TTLL5: variants seen among roughly 807,000 people sequenced by gnomAD.
The protein encoded by TTLL5 is tubulin tyrosine ligase like 5.
In TTLL5, 132 loss-of-function variants were observed where a neutral mutation model predicts 168.4. The ratio of observed to expected loss-of-function variants is 0.78; its 90% CI spans 0.68 to 0.91. The LOEUF (loss-of-function observed/expected upper bound fraction) is 0.91, where lower values mean the gene tolerates loss of function less well. Ranked by LOEUF, TTLL5 falls within the 40% of genes least tolerant of loss-of-function variation. The pLI is 0.00. For synonymous variants in TTLL5, 546 were observed against 558.6 expected (o/e 0.98, Z 0.32); for missense variants, 1,545 against 1,581.5 (o/e 0.98, Z 0.39).
intron 29 of TTLL5, among the ~76,000 whole-genome samples, chr14:75,880,444 A>T (rs2031746226): frequency 6.6e-6 from 1 of 152,174 alleles, no homozygotes. Flanking sequence ...CTTAACTAAC[A>T]ACATTTTATC....
At chr14:75,937,460 C>T (rs1196390779) in intron 31 of TTLL5, among the ~76,000 whole-genome samples, 1 of 152,018 alleles carries the variant, frequency 6.6e-6, no homozygotes, top group Non-Finnish European at 1.5e-5. Context: ...CCACCGTTCA[C>T]CTCCAGAATT....
At chr14:75,857,666 G>T (rs538568058) in intron 28 of TTLL5, among the ~76,000 whole-genome samples, 1 of 149,168 alleles carries the variant, frequency 6.7e-6, no homozygotes, top group African/African-American at 2.5e-5. Flanking sequence ...TGGTGGGGAG[G>T]GGGAGACAAG....
At chr14:75,800,046 T>C (rs2140364993) in intron 27 of TTLL5, among the ~76,000 whole-genome samples, 1 of 152,328 alleles carries the variant, frequency 6.6e-6, no homozygotes, top group East Asian at 1.9e-4. Flanking sequence ...CCTCGATTAT[T>C]CCCCCAAATA....
At chr14:75,881,207 C>G (rs1338607775) in intron 29 of TTLL5, among the ~76,000 whole-genome samples, 2 of 152,222 alleles carry the variant, frequency 1.3e-5, no homozygotes, top group Admixed American at 1.3e-4. Flanking sequence ...AGCCACCGAA[C>G]CTGGCTTTGT....
At chr14:75,716,768 G>A (rs1334655080) in intron 9 of TTLL5, among the ~76,000 whole-genome samples, 1 of 152,032 alleles carries the variant, frequency 6.6e-6, no homozygotes, top group Non-Finnish European at 1.5e-5. Context: ...GAGCATCACT[G>A]GAAAGTTCTC....
chr14:75,911,432 G>A (rs1407898283), intron 31 of TTLL5, among the ~76,000 whole-genome samples: 1 of 152,166 alleles, frequency 6.6e-6, no homozygotes, highest in Admixed American at 6.5e-5. Context: ...ATAAAATGGG[G>A]AAAGAAGTTA....
In TTLL5 at chr14:75,745,079, A is replaced by G. The variant is rs1889524116; in HGVS notation, c.1282-16A>G. On this transcript the variant is annotated splice_polypyrimidine_tract_variant and intron_variant, in intron 15 of 31. Transcript: ENST00000298832. ...TTAAAAAATTTTTTTTACTATTTTC[A>G]TTTTCTTCTCCTTAGCGTTGCCGTC... 1.2e-6 allele frequency: 2 copies of G among 1,609,758 alleles called. No individual in the cohort carries two copies. Among genetic ancestry groups the G allele is most frequent in the South Asian group, 2.2e-5 (2 of 90,576 alleles).
At chr14:75,947,307 T>C (rs893723494) in intron 31 of TTLL5, among the ~76,000 whole-genome samples, 4 of 152,218 alleles carry the variant, frequency 2.6e-5, no homozygotes, top group Admixed American at 6.5e-5. Flanking sequence ...TGGAAAAAGA[T>C]ATATTGGGGA....
chr14:75,702,929 A>G (rs899398728), intron 7 of TTLL5, among the ~76,000 whole-genome samples: 14 of 152,192 alleles, frequency 9.2e-5, no homozygotes, highest in African/African-American at 3.4e-4. Context: ...CTCCTGTTTT[A>G]CCCCAAAACT....
At chr14:75,778,426 G>T (rs1023264628) in intron 23 of TTLL5, among the ~76,000 whole-genome samples, 1 of 152,196 alleles carries the variant, frequency 6.6e-6, no homozygotes, top group Non-Finnish European at 1.5e-5. Flanking sequence ...CGTAACCTTT[G>T]CCTTTCAGTA....
chr14:75,924,893 G>A (rs1194277165), intron 31 of TTLL5, among the ~76,000 whole-genome samples: 1 of 151,334 alleles, frequency 6.6e-6, no homozygotes, highest in Non-Finnish European at 1.5e-5. Context: ...CCCGGATGGG[G>A]CGGCTGGTCG....
chr14:75,909,418 C>A (rs999964586), intron 31 of TTLL5, among the ~76,000 whole-genome samples: 1 of 151,330 alleles, frequency 6.6e-6, no homozygotes, highest in Non-Finnish European at 1.5e-5. Context: ...CCTATGGAAG[C>A]CCCAGCAAAG....
At chr14:75,866,703 A>C (rs2030546734) in intron 29 of TTLL5, among the ~76,000 whole-genome samples, 1 of 152,190 alleles carries the variant, frequency 6.6e-6, no homozygotes, top group Admixed American at 6.5e-5. Flanking sequence ...TTTCTGCTTA[A>C]ACTCTGATTC....
intron 28 of TTLL5, among the ~76,000 whole-genome samples, chr14:75,845,845 T>A (rs1896516197): frequency 6.6e-6 from 1 of 152,210 alleles, no homozygotes; most frequent in African/African-American, 2.4e-5. Context: ...TCAGTACCAG[T>A]CTTTACACAA....
intron 12 of TTLL5, among the ~76,000 whole-genome samples, chr14:75,727,331 T>A (rs192724477): frequency 6.6e-6 from 1 of 152,330 alleles, no homozygotes; most frequent in East Asian, 1.9e-4. Context: ...TTGTGGTATG[T>A]CCATATAATG....
intron 3 of TTLL5, among the ~76,000 whole-genome samples, chr14:75,681,177 G>A (rs1884583523): frequency 6.6e-6 from 1 of 152,058 alleles, no homozygotes; most frequent in African/African-American, 2.4e-5. Context: ...TAAATACTAT[G>A]AGAATAATTG....
intron 31 of TTLL5, chr14:75,904,202 C>CAAA (rs562877528): frequency 1.4e-4 from 143 of 987,010 alleles, no homozygotes; most frequent in South Asian, 1.3e-3. Context: ...CTCACTCCTC[C>CAAA]AAAAAAAAAA....
chr14:75,951,964 C>G (rs527954646), intron 31 of TTLL5, among the ~76,000 whole-genome samples: 112 of 152,192 alleles, frequency 7.4e-4, no homozygotes, highest in African/African-American at 2.5e-3. Flanking sequence ...TTAAAATTTC[C>G]TGCTTCAAAG....
intron 31 of TTLL5, among the ~76,000 whole-genome samples, chr14:75,914,052 A>ATATATATATATT (rs1304496430): frequency 6.5e-5 from 8 of 122,378 alleles, no homozygotes; most frequent in Admixed American, 5.4e-4. Context: ...ATATATATAT[A>ATATATATATATT]TATTTTATCC....
Sources: gnomAD v4.1 joint callset for allele counts (sites outside exome capture counted in the v4.1 genomes callset) on GRCh38, gnomAD v4.1.1 for gene constraint, MANE v1.5 for transcripts, NCBI Gene and HGNC (gene_info 2026-07-23, HGNC 2026-07-21) for gene names.